The following SPIRE1 variants were observed in gnomAD, a reference collection of about 807,000 sequenced individuals.
SPIRE1 encodes protein spire homolog 1.
In SPIRE1, 40 loss-of-function variants were observed where a neutral mutation model predicts 94.1. The ratio of observed to expected loss-of-function variants is 0.43; its 90% CI spans 0.33 to 0.55. The LOEUF (loss-of-function observed/expected upper bound fraction) is 0.55. Among genes scored for constraint, SPIRE1 ranks in the 20% least tolerant of loss-of-function variants. The pLI is 0.06. For synonymous variants in SPIRE1, 376 were observed against 371.7 expected, an observed-to-expected ratio of 1.01 and a Z score of -0.13; for missense variants, 838 against 975.2, an observed-to-expected ratio of 0.86 and a Z score of 1.87.
chr18:12,646,753 A>C (rs1001409448), intron 1 of SPIRE1, among the ~76,000 whole-genome samples: 2 of 152,198 alleles, frequency 1.3e-5, no homozygotes, highest in Admixed American at 6.6e-5. Context: ...TAATTTAAAA[A>C]AATGTATTAG....
At chr18:12,602,429 G>T (rs570435257) in intron 2 of SPIRE1, among the ~76,000 whole-genome samples, 1 of 152,116 alleles carries the variant, frequency 6.6e-6, no homozygotes, top group Non-Finnish European at 1.5e-5. Flanking sequence ...TTAGTGAGTA[G>T]CCAGCAAGGA....
intron 4 of SPIRE1, among the ~76,000 whole-genome samples, chr18:12,522,211 T>C (rs569932840): frequency 4.9e-4 from 74 of 152,322 alleles, no homozygotes; most frequent in African/African-American, 1.7e-3. Flanking sequence ...TGAACATGAA[T>C]GATAAGAAGG....
chr18:12,573,688 C>T (rs1160363364), intron 2 of SPIRE1, among the ~76,000 whole-genome samples: 3 of 152,004 alleles, frequency 2.0e-5, no homozygotes, highest in Admixed American at 6.6e-5. Flanking sequence ...TCAAAACCCA[C>T]AGAATATAAA....
chr18:12,489,299 T>C (rs983886026), intron 8 of SPIRE1, among the ~76,000 whole-genome samples: 7 of 152,236 alleles, frequency 4.6e-5, no homozygotes, highest in Non-Finnish European at 7.3e-5. Context: ...TAAACTCCTA[T>C]ATTACCTACT....
At chr18:12,658,762 C>G (rs2038634220), upstream of SPIRE1, 1 of 367,364 alleles carries the variant, frequency 2.7e-6, no homozygotes, top group South Asian at 2.0e-5. Flanking sequence ...CCTCTCCACT[C>G]CCATCTTCAG....
upstream of SPIRE1, among the ~76,000 whole-genome samples, chr18:12,660,033 A>G (rs1448905837): frequency 6.6e-6 from 1 of 152,232 alleles, no homozygotes; most frequent in African/African-American, 2.4e-5. Context: ...TATGGACAAC[A>G]CTACCACCTC....
intron 2 of SPIRE1, among the ~76,000 whole-genome samples, chr18:12,553,196 G>C (rs926123470): frequency 6.6e-6 from 1 of 152,182 alleles, no homozygotes; most frequent in Non-Finnish European, 1.5e-5. Context: ...GTAAAGCAGA[G>C]GGAGAAGTAA....
intron 2 of SPIRE1, among the ~76,000 whole-genome samples, chr18:12,550,162 A>G (rs559627475): frequency 6.6e-6 from 1 of 152,102 alleles, no homozygotes; most frequent in South Asian, 2.1e-4. Flanking sequence ...CACTCTCCTA[A>G]CCCCTCATAC....
intron 2 of SPIRE1, among the ~76,000 whole-genome samples, chr18:12,592,312 G>A (rs1023298943): frequency 1.3e-5 from 2 of 152,102 alleles, no homozygotes; most frequent in Non-Finnish European, 2.9e-5. Context: ...TAAAGTGTAC[G>A]ATAATATTAA....
intron 10 of SPIRE1, among the ~76,000 whole-genome samples, chr18:12,470,621 A>G (rs182149412): frequency 6.6e-6 from 1 of 152,298 alleles, no homozygotes; most frequent in Admixed American, 6.5e-5. Flanking sequence ...GTGTGTGAGT[A>G]CACACGTGTG....
chr18:12,502,938 T>G (rs1464440698), intron 6 of SPIRE1, among the ~76,000 whole-genome samples: 1 of 151,798 alleles, frequency 6.6e-6, no homozygotes, highest in African/African-American at 2.4e-5. Context: ...TGAAACCACA[T>G]CTCTACTAAA....
chr18:12,539,587 GCACA>G (rs57030414), intron 3 of SPIRE1, among the ~76,000 whole-genome samples: 4,006 of 139,044 alleles, frequency 0.029, 169 homozygotes, highest in African/African-American at 0.092. Flanking sequence ...ACACACACAC[GCACA>G]CACACACACA....
intron 10 of SPIRE1, among the ~76,000 whole-genome samples, chr18:12,478,622 C>T (rs1216443832): frequency 4.0e-5 from 6 of 150,886 alleles, no homozygotes; most frequent in African/African-American, 9.8e-5. Context: ...TGTGTGTGCG[C>T]GCGCATGCGT....
chr18:12,492,333 C>A (rs936394185), intron 8 of SPIRE1, among the ~76,000 whole-genome samples: 1 of 152,158 alleles, frequency 6.6e-6, no homozygotes, highest in Non-Finnish European at 1.5e-5. Context: ...TCTCTGGATT[C>A]TTTGGGCATT....
At chr18:12,483,628 T>G (rs2032925013) in intron 9 of SPIRE1, among the ~76,000 whole-genome samples, 1 of 152,170 alleles carries the variant, frequency 6.6e-6, no homozygotes, top group African/African-American at 2.4e-5. Flanking sequence ...TAAGTGATGT[T>G]GAATAGGTTA....
At chr18:12,602,567 T>C (rs895327249) in intron 2 of SPIRE1, among the ~76,000 whole-genome samples, 1 of 152,104 alleles carries the variant, frequency 6.6e-6, no homozygotes. Context: ...TTTAAAGAAA[T>C]CAGTAACTCT....
At chr18:12,536,862 T>G (rs2144211657) in intron 3 of SPIRE1, among the ~76,000 whole-genome samples, 1 of 152,376 alleles carries the variant, frequency 6.6e-6, no homozygotes, top group Non-Finnish European at 1.5e-5. Context: ...TCATTTGCAC[T>G]AACAAGCTGT....
chr18:12,616,035 C>A (rs113477935), intron 2 of SPIRE1, among the ~76,000 whole-genome samples: 12 of 151,904 alleles, frequency 7.9e-5, no homozygotes, highest in African/African-American at 2.9e-4. Context: ...ACAAGCTCTT[C>A]GTTTTTTTTT....
intron 12 of SPIRE1, among the ~76,000 whole-genome samples, chr18:12,456,509 AT>A (rs1429399400): frequency 3.9e-5 from 6 of 152,236 alleles, no homozygotes; most frequent in Admixed American, 2.0e-4. Context: ...CTGCAACAAA[AT>A]AATGTGGGAA....
Sources: allele counts gnomAD v4.1 joint callset (sites outside exome capture counted in the v4.1 genomes callset), GRCh38; gene constraint gnomAD v4.1.1; transcripts MANE v1.5; gene names NCBI Gene and HGNC (gene_info 2026-07-23, HGNC 2026-07-21).